Variants in NAMPT observed in about 807,000 individuals in gnomAD.
NAMPT encodes the protein NAmPRTase.
Under a neutral mutation model 58.7 loss-of-function variants are expected in NAMPT, and 7 were observed. The ratio of observed to expected loss-of-function variants is 0.12; its 90% CI spans 0.07 to 0.22. The LOEUF (loss-of-function observed/expected upper bound fraction) is 0.22. NAMPT is among the 10% of genes least tolerant of loss of function. NAMPT has a pLI of 1.00. For missense variants in NAMPT, 271 were observed against 567.9 expected, an observed-to-expected ratio of 0.48 and a Z score of 5.31; for synonymous variants, 145 against 198.1, an observed-to-expected ratio of 0.73 and a Z score of 2.25.
At position 106,250,102 on chromosome 7, in the gene NAMPT, A is replaced by T. The variant is rs1295789715; in HGVS notation, c.*981T>A. On this transcript the variant is annotated 3_prime_UTR_variant, in exon 11 of 11. Coordinates refer to ENST00000222553, the MANE Select transcript of NAMPT (RefSeq NM_005746.3). ...TTAATAAAAAATATAACAGAATTGA[A>T]ACATTTAAGTACACTCACTACCCAC... The T allele has an allele frequency of 7.2e-5, 11 of 152,508 alleles. No individual in the cohort carries two copies. Among genetic ancestry groups the T allele is most frequent in the African/African-American group, 1.7e-4 (7 of 41,442 alleles). 9.4% of individuals were successfully genotyped at this position (152,508 alleles called of 1,614,324 possible).
At chr7:106,277,920 A>G (rs757167640) in intron 1 of NAMPT, among the ~76,000 whole-genome samples, 1 of 152,242 alleles carries the variant, frequency 6.6e-6, no homozygotes, top group Non-Finnish European at 1.5e-5. Flanking sequence ...GTGAGTGTTC[A>G]TTATACTTTT....
intron 6 of NAMPT, among the ~76,000 whole-genome samples, chr7:106,263,895 T>A (rs1028527064): frequency 6.6e-6 from 1 of 152,074 alleles, no homozygotes; most frequent in African/African-American, 2.4e-5. Flanking sequence ...TGTGTGTGTG[T>A]TTTCTGGTAT....
chr7:106,269,373 A>C, intron 4 of NAMPT, 61 bp from the exon 5 acceptor site: 2 of 1,492,680 alleles, frequency 1.3e-6, no homozygotes, highest in Non-Finnish European at 1.8e-6. Flanking sequence ...TTTCTGAGGA[A>C]AATCCTAGCT....
intron 9 of NAMPT, chr7:106,253,452 C>G (rs1450998614): frequency 7.2e-6 from 2 of 279,176 alleles, no homozygotes; most frequent in African/African-American, 2.2e-5. Flanking sequence ...CTTAAGGTAT[C>G]TCTTTATATT....
In NAMPT at chr7:106,263,504, G is replaced by A. The variant is rs1792351143; in HGVS notation, c.857C>T (p.Ala286Val). 6.2e-7 allele frequency: 1 copy of A among 1,607,988 alleles called. No individual in the cohort carries two copies. Among genetic ancestry groups the A allele is most frequent in the Non-Finnish European group, 8.5e-7 (1 of 1,174,680 alleles). ...VVSDSYDIYNACEKIWGEDLR... is the reference protein window; with the variant it reads ...VVSDSYDIYNVCEKIWGEDLR... Reference sequence around the variant, plus strand: ...ATCTTCACCCCATATTTTCTCACACGCATTATAAATGTCATAGCTATCGCT... The same window carrying A: ...ATCTTCACCCCATATTTTCTCACACACATTATAAATGTCATAGCTATCGCT... The change falls in exon 7 of 11, where the codon GCG becomes GTG. Residue 286 changes from alanine to valine, a missense_variant. Physicochemically the swap from Ala to Val is moderately conservative, Grantham distance 64. Coordinates refer to ENST00000222553, the MANE Select transcript of NAMPT (RefSeq NM_005746.3).
In NAMPT at chr7:106,272,557, C is replaced by G; in HGVS notation, c.420G>C (p.Glu140Asp). Reference protein sequence around the residue: ...VLFTVENTDPECYWLTNWIET... With the variant: ...VLFTVENTDPDCYWLTNWIET... ...CAATCCAATTTGTAAGCCAGTAACACTCTGGATCTGTGTTTTCCACCGTGA... is the reference window on the plus strand; with the variant it reads ...CAATCCAATTTGTAAGCCAGTAACAGTCTGGATCTGTGTTTTCCACCGTGA... The change falls in exon 4 of 11, where the codon GAG (glutamate) becomes GAC (aspartate). Residue 140 changes from glutamate (E) to aspartate (D), a missense_variant. Physicochemically the swap from Glu to Asp is conservative, Grantham distance 45 (BLOSUM62 2). Around this residue, in one of 4 missense-constraint regions of NAMPT, gnomAD observed 103 missense variants for 194.2 expected, o/e 0.53. Coordinates refer to ENST00000222553, the MANE Select transcript of NAMPT (RefSeq NM_005746.3). 6.2e-7 allele frequency: 1 copy of G among 1,612,930 alleles called. No homozygotes were observed. Among genetic ancestry groups the G allele is most frequent in the Non-Finnish European group, 8.5e-7 (1 of 1,179,314 alleles).
At chr7:106,273,738 G>C (rs1323012908) in intron 3 of NAMPT, among the ~76,000 whole-genome samples, 1 of 152,188 alleles carries the variant, frequency 6.6e-6, no homozygotes, top group South Asian at 2.1e-4. Flanking sequence ...TCACAGAAGA[G>C]AAATGGAGCA....
chr7:106,272,488 T>C, intron 4 of NAMPT, 42 bp downstream of exon 4: 1 of 1,538,028 alleles, frequency 6.5e-7, no homozygotes, highest in Non-Finnish European at 8.9e-7. Flanking sequence ...TCAATGGTCT[T>C]TATTCAATTA....
At chr7:106,258,128 C>T (rs1015851307) in intron 8 of NAMPT, among the ~76,000 whole-genome samples, 8 of 152,300 alleles carry the variant, frequency 5.3e-5, no homozygotes, top group Admixed American at 3.3e-4. Context: ...TGTCCCAACA[C>T]CAAATGTCTT....
In NAMPT at chr7:106,248,931, G is replaced by A. The variant is rs1286707733; in HGVS notation, c.*2152C>T. On this transcript the variant is annotated 3_prime_UTR_variant, in exon 11 of 11. Transcript: ENST00000222553. ...AATCTCCATCTCCTGATTTATGGTT[G>A]TGAACAAAGAGATAGCTTTTTTCAC... The A allele has an allele frequency of 6.6e-6, 1 of 152,068 alleles. No homozygotes were observed. Among genetic ancestry groups the A allele is most frequent in the African/African-American group, 2.4e-5 (1 of 41,430 alleles). 9.4% of individuals were successfully genotyped at this position (152,068 alleles called of 1,614,324 possible).
At chr7:106,276,755 T>C (rs376291170) in intron 2 of NAMPT, 37 of 323,080 alleles carry the variant, frequency 1.1e-4, no homozygotes, top group Middle Eastern at 1.1e-3. Flanking sequence ...GGCAGGAGAA[T>C]TGCCTGAAAC....
chr7:106,282,226 G>T (rs1472204213), intron 1 of NAMPT, among the ~76,000 whole-genome samples: 3 of 149,970 alleles, frequency 2.0e-5, no homozygotes, highest in Non-Finnish European at 3.0e-5. Flanking sequence ...CTTTTTTTTT[G>T]AAAAAAAGCT....
chr7:106,258,867 T>C (rs1028246247), intron 8 of NAMPT, among the ~76,000 whole-genome samples: 3 of 152,140 alleles, frequency 2.0e-5, no homozygotes, highest in Non-Finnish European at 2.9e-5. Context: ...GGGGTGACTG[T>C]GGCAATGCCT....
rs770666990 is a variant in NAMPT, at chr7:106,251,025, C to T, written c.*58G>A. On this transcript the variant is annotated 3_prime_UTR_variant, in exon 11 of 11. Coordinates refer to ENST00000222553, the MANE Select transcript of NAMPT (RefSeq NM_005746.3). ...TGTATCATAAAACACAAACCCCACA[C>T]ATCTGTACAATAAACATTATGTATT... 7 of 1,285,616 alleles carry T rather than the reference C, an allele frequency of 5.4e-6. No individual in the cohort carries two copies. The highest frequency in any genetic ancestry group is 6.8e-6 in the Non-Finnish European group (6 of 884,252). 79.6% of individuals were successfully genotyped at this position (1,285,616 alleles called of 1,614,324 possible).
At chr7:106,256,108 T>C (rs1792194419) in intron 8 of NAMPT, among the ~76,000 whole-genome samples, 1 of 152,204 alleles carries the variant, frequency 6.6e-6, no homozygotes, top group Non-Finnish European at 1.5e-5. Flanking sequence ...AGCTTCCTCT[T>C]GCCAACTCTG....
intron 8 of NAMPT, among the ~76,000 whole-genome samples, chr7:106,255,472 T>C (rs1792184191): frequency 6.6e-6 from 1 of 152,220 alleles, no homozygotes; most frequent in Non-Finnish European, 1.5e-5. Context: ...TCTCACCAAA[T>C]AGTCTCAAAT....
At chr7:106,283,930 T>G (rs757071945) in intron 1 of NAMPT, among the ~76,000 whole-genome samples, 1 of 152,196 alleles carries the variant, frequency 6.6e-6, no homozygotes, top group Non-Finnish European at 1.5e-5. Context: ...CAAGTAAAAT[T>G]TACTTTACCT....
At chr7:106,284,743 AGCCCCAGCCG>A in intron 1 of NAMPT, 75 bp downstream of exon 1, 1 of 57,216 alleles carries the variant, frequency 1.7e-5, no homozygotes, top group Non-Finnish European at 2.7e-5. Flanking sequence ...CCCCAACCCC[AGCCCCAGCCG>A]CCCCCGCCCC....
intron 10 of NAMPT, among the ~76,000 whole-genome samples, chr7:106,251,790 A>G (rs1792108717): frequency 6.6e-6 from 1 of 152,138 alleles, no homozygotes; most frequent in South Asian, 2.1e-4. Context: ...TCAATGACAA[A>G]GGTAATCCAC....
Sources: allele counts gnomAD v4.1 joint callset (sites outside exome capture counted in the v4.1 genomes callset), GRCh38; gene constraint gnomAD v4.1.1; regional missense constraint gnomAD v4.1.1; transcripts MANE v1.5; gene names NCBI Gene and HGNC (gene_info 2026-07-23, HGNC 2026-07-21).